CDH8: variants seen among roughly 807,000 people sequenced by gnomAD.
CDH8 encodes cadherin 8, also known as cadherin-8.
A neutral mutation model predicts 68.1 loss-of-function variants in CDH8; 17 were observed. That is an observed-to-expected ratio of 0.25 (90% CI 0.17 to 0.37). The LOEUF (loss-of-function observed/expected upper bound fraction) is 0.37, where lower values mean the gene tolerates loss of function less well. Among genes scored for constraint, CDH8 ranks in the 10% least tolerant of loss-of-function variants. The probability of loss-of-function intolerance (pLI) is 1.00; values close to 1 mark genes in which losing one functional copy is unlikely to be tolerated. For missense variants in CDH8, 763 were observed against 999.3 expected (o/e 0.76, Z 3.19); for synonymous variants, 372 against 365.1 (o/e 1.02, Z -0.21).
chr16:61,755,638 A>G (rs1005120414), intron 8 of CDH8, among the ~76,000 whole-genome samples: 3 of 152,026 alleles, frequency 2.0e-5, no homozygotes, highest in African/African-American at 7.2e-5. Context: ...TTTGTTCTTT[A>G]ATGATTTTCT....
At chr16:61,678,130 C>T (rs1963948227) in intron 10 of CDH8, among the ~76,000 whole-genome samples, 1 of 152,000 alleles carries the variant, frequency 6.6e-6, no homozygotes, top group Non-Finnish European at 1.5e-5. Context: ...CTCCCACCTG[C>T]CCCTTGCTCC....
At chr16:61,726,761 T>A in intron 9 of CDH8, 2 of 372,502 alleles carry the variant, frequency 5.4e-6, no homozygotes. Context: ...TTTACCTTGC[T>A]TCTTGTCATT....
At chr16:61,782,517 C>T (rs1307340254) in intron 8 of CDH8, among the ~76,000 whole-genome samples, 4 of 152,140 alleles carry the variant, frequency 2.6e-5, no homozygotes, top group Non-Finnish European at 5.9e-5. Context: ...GGGGGAGGGG[C>T]GCCCGCCATT....
chr16:61,887,646 T>C (rs1267864759), intron 3 of CDH8, among the ~76,000 whole-genome samples: 2 of 152,064 alleles, frequency 1.3e-5, no homozygotes, highest in African/African-American at 4.8e-5. Flanking sequence ...TTAACCTTCA[T>C]TACCTCCTTA....
intron 10 of CDH8, among the ~76,000 whole-genome samples, chr16:61,686,500 G>T (rs2142817727): frequency 6.6e-6 from 1 of 151,974 alleles, no homozygotes; most frequent in Non-Finnish European, 1.5e-5. Context: ...CCCCTCATCT[G>T]GTTCTTTTAA....
intron 4 of CDH8, among the ~76,000 whole-genome samples, chr16:61,854,118 A>C (rs564472626): frequency 7.7e-6 from 1 of 130,260 alleles, no homozygotes; most frequent in South Asian, 2.2e-4. Flanking sequence ...ACACATGCAC[A>C]CATATACACA....
intron 4 of CDH8, among the ~76,000 whole-genome samples, chr16:61,831,307 T>C (rs935845584): frequency 6.6e-6 from 1 of 151,784 alleles, no homozygotes; most frequent in Admixed American, 6.6e-5. Context: ...TGAATTCTAG[T>C]AGAAGAATTA....
chr16:61,998,045 C>T (rs1050803096), intron 2 of CDH8, among the ~76,000 whole-genome samples: 1 of 151,976 alleles, frequency 6.6e-6, no homozygotes, highest in Non-Finnish European at 1.5e-5. Context: ...TGTGCCAATG[C>T]TACATTTCCA....
intron 3 of CDH8, among the ~76,000 whole-genome samples, chr16:61,896,327 C>T (rs2143230036): frequency 6.6e-6 from 1 of 152,328 alleles, no homozygotes; most frequent in Admixed American, 6.5e-5. Flanking sequence ...TCTTGACAGC[C>T]TGTCAACTGG....
chr16:61,760,582 G>C (rs1960439488), intron 8 of CDH8, among the ~76,000 whole-genome samples: 1 of 151,898 alleles, frequency 6.6e-6, no homozygotes, highest in East Asian at 1.9e-4. Flanking sequence ...TAAAGTGCTG[G>C]GATTACAGGC....
chr16:61,685,715 A>G (rs1410081977), intron 10 of CDH8, among the ~76,000 whole-genome samples: 1 of 151,920 alleles, frequency 6.6e-6, no homozygotes, highest in Non-Finnish European at 1.5e-5. Context: ...TATTATCATT[A>G]TTTTTATTAC....
At chr16:61,683,930 A>C (rs559309715) in intron 10 of CDH8, among the ~76,000 whole-genome samples, 2 of 152,140 alleles carry the variant, frequency 1.3e-5, no homozygotes, top group Admixed American at 6.6e-5. Context: ...AGTCACCTTC[A>C]TCACCCTAGA....
At chr16:61,773,487 A>C (rs1960830987) in intron 8 of CDH8, among the ~76,000 whole-genome samples, 1 of 152,088 alleles carries the variant, frequency 6.6e-6, no homozygotes, top group African/African-American at 2.4e-5. Flanking sequence ...ATTGTTTATA[A>C]AATTTTAGAG....
At chr16:61,975,257 A>G (rs1965416110) in intron 2 of CDH8, among the ~76,000 whole-genome samples, 1 of 152,092 alleles carries the variant, frequency 6.6e-6, no homozygotes, top group Non-Finnish European at 1.5e-5. Context: ...AAAAAACCGA[A>G]AGAGAGAGAG....
chr16:61,826,933 T>C (rs535214018), intron 4 of CDH8, among the ~76,000 whole-genome samples: 33 of 152,040 alleles, frequency 2.2e-4, no homozygotes, highest in African/African-American at 7.7e-4. Flanking sequence ...AATGCAATGC[T>C]TTGTTTCAGG....
intron 2 of CDH8, among the ~76,000 whole-genome samples, chr16:61,991,128 A>C (rs1965713553): frequency 6.6e-6 from 1 of 152,182 alleles, no homozygotes; most frequent in Non-Finnish European, 1.5e-5. Flanking sequence ...ATACTCAGCT[A>C]TAAATCATAT....
At position 61,653,552 on chromosome 16, in the gene CDH8, G is replaced by C. The variant is rs1963372362; in HGVS notation, c.*56C>G. Reference sequence around the variant, plus strand: ...GCCACATTGGTTGTATCTAAGGGGAGTGACCCTAGAATATTACAGAATGCT... The same window carrying C: ...GCCACATTGGTTGTATCTAAGGGGACTGACCCTAGAATATTACAGAATGCT... On this transcript the variant is annotated 3_prime_UTR_variant, in exon 12 of 12. Coordinates refer to ENST00000577390, the MANE Select transcript of CDH8 (RefSeq NM_001796.5). The C allele has an allele frequency of 6.5e-7, 1 of 1,531,976 alleles. No homozygotes were observed. The highest frequency in any genetic ancestry group is 1.4e-5 in the African/African-American group (1 of 72,186). The allele number at this position is 1,531,976 out of a possible 1,614,324, so 94.9% of individuals were successfully genotyped here.
At chr16:61,699,737 G>T (rs1434437258) in intron 10 of CDH8, among the ~76,000 whole-genome samples, 1 of 151,982 alleles carries the variant, frequency 6.6e-6, no homozygotes, top group Admixed American at 6.6e-5. Flanking sequence ...ACCACGCCTG[G>T]TTAATTTTTA....
At chr16:61,985,712 C>A (rs776136931) in intron 2 of CDH8, among the ~76,000 whole-genome samples, 1 of 151,818 alleles carries the variant, frequency 6.6e-6, no homozygotes, top group Non-Finnish European at 1.5e-5. Flanking sequence ...AGGCTGGTCT[C>A]GAACTCCTGA....
Sources: allele counts gnomAD v4.1 joint callset (sites outside exome capture counted in the v4.1 genomes callset), GRCh38; gene constraint gnomAD v4.1.1; transcripts MANE v1.5; gene names NCBI Gene and HGNC (gene_info 2026-07-23, HGNC 2026-07-21).